Variants in CHN1 observed in about 807,000 individuals in gnomAD.
The protein encoded by CHN1 is N-chimaerin.
CHN1 carries 37 observed loss-of-function variants against 59.5 expected under a neutral mutation model. That is an observed-to-expected ratio of 0.62 (90% CI 0.48 to 0.82). The LOEUF (loss-of-function observed/expected upper bound fraction) is 0.82. CHN1 is among the 40% of genes least tolerant of loss of function. The pLI, the probability that CHN1 is intolerant of heterozygous loss-of-function variation, is 0.00. For synonymous variants in CHN1, 206 were observed against 200.4 expected (o/e 1.03, Z -0.24); for missense variants, 469 against 571.0 (o/e 0.82, Z 1.82).
chr2:174,949,609 C>T (rs1040973023), intron 2 of CHN1, among the ~76,000 whole-genome samples: 17 of 152,154 alleles, frequency 1.1e-4, no homozygotes, highest in Non-Finnish European at 1.9e-4. Context: ...AAGTGATCCT[C>T]CCACCTCAGT....
At chr2:174,885,274 C>CA (rs1039960761) in intron 5 of CHN1, among the ~76,000 whole-genome samples, 6 of 138,056 alleles carry the variant, frequency 4.3e-5, no homozygotes, top group African/African-American at 5.6e-5. Flanking sequence ...GACTCGGTCT[C>CA]AAAAAAAAGA....
At chr2:174,883,338 G>A (rs1428621155) in intron 5 of CHN1, among the ~76,000 whole-genome samples, 1 of 152,152 alleles carries the variant, frequency 6.6e-6, no homozygotes, top group Non-Finnish European at 1.5e-5. Context: ...GTATCATCTT[G>A]AAAACTAAGT....
intron 7 of CHN1, among the ~76,000 whole-genome samples, chr2:174,844,219 A>G (rs1675364763): frequency 6.6e-6 from 1 of 151,054 alleles, no homozygotes; most frequent in South Asian, 2.1e-4. Flanking sequence ...AAAAGAGACC[A>G]TGTTACATAA....
intron 1 of CHN1, among the ~76,000 whole-genome samples, chr2:174,982,820 GTTCT>G (rs1260713565): frequency 6.6e-6 from 1 of 152,048 alleles, no homozygotes; most frequent in Non-Finnish European, 1.5e-5. Context: ...GAAATATTGT[GTTCT>G]TTTTTTAATT....
At chr2:174,884,053 C>T (rs1403868887) in intron 5 of CHN1, among the ~76,000 whole-genome samples, 41 of 150,446 alleles carry the variant, frequency 2.7e-4, no homozygotes, top group African/African-American at 9.5e-4. Context: ...CTGCAAGCTC[C>T]GCCTCCCAGG....
intron 5 of CHN1, among the ~76,000 whole-genome samples, chr2:174,913,263 A>C (rs1688750882): frequency 6.6e-6 from 1 of 152,210 alleles, no homozygotes; most frequent in Non-Finnish European, 1.5e-5. Flanking sequence ...AATGGCAACC[A>C]AAAGGAAAGA....
intron 3 of CHN1, among the ~76,000 whole-genome samples, chr2:174,919,955 T>C (rs1249374339): frequency 1.3e-5 from 2 of 152,160 alleles, no homozygotes; most frequent in Non-Finnish European, 2.9e-5. Context: ...TCTTTCCTTC[T>C]CCTTCCCTCT....
intron 3 of CHN1, among the ~76,000 whole-genome samples, chr2:174,926,754 C>T (rs563701400): frequency 2.6e-5 from 4 of 151,884 alleles, no homozygotes; most frequent in Non-Finnish European, 5.9e-5. Context: ...CTCTTATCTA[C>T]CCACACCATT....
At position 174,968,521 on chromosome 2, in the gene CHN1, C is replaced by T. The variant is rs566817555; in HGVS notation, c.20-16319G>A. ...GCTTGGCATCTTTTAATTAACTATG[C>T]TTTTATGGCATACACAACAGAATAA... On this transcript the variant is annotated intron_variant, in intron 1 of 12. Transcript: ENST00000409900. 8.1e-4 allele frequency among the ~76,000 whole-genome samples: 123 copies of T among 152,352 alleles called. No individual in the cohort carries two copies. The South Asian group carries it at 0.011, about 14-fold the overall frequency.
rs189024156 is a variant in CHN1, at chr2:174,962,158, G to A, written c.20-9956C>T. Among the ~76,000 whole-genome samples, 684 of 151,984 alleles carry A rather than the reference G, an allele frequency of 4.5e-3. 5 individuals are homozygous for A. The highest frequency in any genetic ancestry group is 0.013 in the African/African-American group (523 of 41,428). On this transcript the variant is annotated intron_variant, in intron 1 of 12. Transcript: ENST00000409900. ...AAATTAGCCGGGCGGGGTGGCGCGC[G>A]CCTATAATCCCAGCTACTCAGGAGG...
chr2:174,810,684 G>A (rs1036361066), intron 10 of CHN1, among the ~76,000 whole-genome samples: 11 of 152,136 alleles, frequency 7.2e-5, no homozygotes, highest in African/African-American at 2.4e-4. Flanking sequence ...ACATGGGCTG[G>A]CCTAGTTTCC....
chr2:174,806,978 A>AT (rs1223349293), intron 11 of CHN1, among the ~76,000 whole-genome samples: 1 of 152,228 alleles, frequency 6.6e-6, no homozygotes, highest in East Asian at 1.9e-4. Context: ...CTGAAATTAT[A>AT]AGGAGAAATT....
intron 5 of CHN1, among the ~76,000 whole-genome samples, chr2:174,886,136 T>C (rs1558967338): frequency 6.6e-6 from 1 of 152,246 alleles, no homozygotes; most frequent in Non-Finnish European, 1.5e-5. Context: ...TAGAGTTCTA[T>C]ACATGTATAA....
At chr2:174,946,010 T>C (rs2105405779) in intron 2 of CHN1, among the ~76,000 whole-genome samples, 1 of 152,042 alleles carries the variant, frequency 6.6e-6, no homozygotes, top group African/African-American at 2.4e-5. Context: ...CACATACACG[T>C]AACTGTGAGT....
intron 5 of CHN1, among the ~76,000 whole-genome samples, chr2:174,880,399 G>C (rs1687696934): frequency 6.6e-6 from 1 of 152,188 alleles, no homozygotes; most frequent in Admixed American, 6.5e-5. Context: ...CAGCACCACA[G>C]CACAGACTGT....
At chr2:174,945,201 C>G in intron 2 of CHN1, 1 of 490,202 alleles carries the variant, frequency 2.0e-6, no homozygotes, top group South Asian at 2.4e-5. Flanking sequence ...ATATTTGGCT[C>G]TGTTCTCCAT....
At position 174,812,340 on chromosome 2, in the gene CHN1, T is replaced by A; in HGVS notation, c.855A>T (p.Val285=). Residue 285 remains valine (V), a synonymous_variant, in exon 9 of 13, where the codon GTA becomes GTT. Transcript: ENST00000409900. ...ACTCAATCTCCCTGATGCACATGTC[T>A]ACCACCATTGGCCGCTTAGTGGTAT... ...KAHTTKRPMV[V]DMCIREIESR... 1 of 1,613,874 alleles carries A rather than the reference T, an allele frequency of 6.2e-7. No individual in the cohort carries two copies. Among genetic ancestry groups the A allele is most frequent in the Non-Finnish European group, 8.5e-7 (1 of 1,179,828 alleles).
chr2:174,985,016 G>C (rs1691293444), intron 1 of CHN1, among the ~76,000 whole-genome samples: 1 of 152,156 alleles, frequency 6.6e-6, no homozygotes, highest in South Asian at 2.1e-4. Context: ...TAGGTTTCAA[G>C]AGAAAGTTCC....
At chr2:174,919,086 A>C (rs1217086050) in intron 3 of CHN1, among the ~76,000 whole-genome samples, 10 of 152,190 alleles carry the variant, frequency 6.6e-5, no homozygotes, top group Non-Finnish European at 1.5e-4. Flanking sequence ...AATGCCCAGG[A>C]ATTTTCACAG....
Sources: gnomAD v4.1 joint callset for allele counts (sites outside exome capture counted in the v4.1 genomes callset) on GRCh38, gnomAD v4.1.1 for gene constraint, MANE v1.5 for transcripts, NCBI Gene and HGNC (gene_info 2026-07-23, HGNC 2026-07-21) for gene names.